The following ASRGL1 variants were observed in gnomAD, a reference collection of about 807,000 sequenced individuals.
ASRGL1 encodes isoaspartyl peptidase/L-asparaginase.
Under a neutral mutation model 22.4 loss-of-function variants are expected in ASRGL1, and 16 were observed. The ratio of observed to expected loss-of-function variants is 0.71; its 90% CI spans 0.48 to 1.08. ASRGL1 has a LOEUF of 1.08. ASRGL1 is among the 50% of genes least tolerant of loss of function. ASRGL1 has a pLI of 0.00. For missense variants in ASRGL1, 412 were observed against 410.1 expected (o/e 1.00, Z -0.04); for synonymous variants, 165 against 159.3 (o/e 1.04, Z -0.27).
chr11:62,389,265 A>T lies in ASRGL1; in HGVS notation c.610+14A>T, dbSNP rs753906490. The T allele has an allele frequency of 1.9e-6, 3 of 1,601,318 alleles. No homozygotes were observed. Among genetic ancestry groups the T allele is most frequent in the Non-Finnish European group, 1.7e-6 (2 of 1,168,446 alleles). ...CACCGTGTCTAGGTAGGACCAAGGGATGCCTCCTGCCCCTTCCCCTCTTCT... is the reference window on the plus strand; with the variant it reads ...CACCGTGTCTAGGTAGGACCAAGGGTTGCCTCCTGCCCCTTCCCCTCTTCT... On this transcript the variant is annotated intron_variant, in intron 5 of 6. Transcript: ENST00000415229.
intron 4 of ASRGL1, among the ~76,000 whole-genome samples, chr11:62,369,817 G>A (rs982112793): frequency 2.6e-5 from 4 of 152,054 alleles, no homozygotes; most frequent in Non-Finnish European, 5.9e-5. Context: ...ATAAACTCGG[G>A]GTGTAATACA....
Position 62,389,130 on chromosome 11 carries a change from C to T in ASRGL1, c.492-3C>T. The T allele has an allele frequency of 6.2e-7, 1 of 1,604,118 alleles. No individual in the cohort carries two copies. Among genetic ancestry groups the T allele is most frequent in the Non-Finnish European group, 8.5e-7 (1 of 1,172,268 alleles). ...TCACTTTTTTTCTGTTTATTTTTGG[C>T]AGAAACTTGGGAACCGTGGGTGCTG... is the stretch of plus-strand genomic sequence containing the variant. On this transcript the variant is annotated splice_region_variant and splice_polypyrimidine_tract_variant and intron_variant, in intron 4 of 6. Transcript: ENST00000415229.
chr11:62,372,513 A>G, intron 4 of ASRGL1: 1 of 1,103,480 alleles, frequency 9.1e-7, no homozygotes, highest in Non-Finnish European at 1.4e-6. Context: ...CACAGCAGAT[A>G]GAGTATGACT....
intron 4 of ASRGL1, among the ~76,000 whole-genome samples, chr11:62,361,229 T>C (rs1406855563): frequency 6.6e-6 from 1 of 152,120 alleles, no homozygotes; most frequent in African/African-American, 2.4e-5. Flanking sequence ...TCTTACTTTG[T>C]CACCCAGGCT....
chr11:62,374,525 T>C (rs200862186), intron 4 of ASRGL1, among the ~76,000 whole-genome samples: 1 of 149,776 alleles, frequency 6.7e-6, no homozygotes, highest in Non-Finnish European at 1.5e-5. Flanking sequence ...AGTTAAATAT[T>C]GGTCTCTTCA....
At chr11:62,362,740 TATATTA>T (rs1946505142) in intron 4 of ASRGL1, among the ~76,000 whole-genome samples, 2 of 106,924 alleles carry the variant, frequency 1.9e-5, no homozygotes, top group Non-Finnish European at 3.5e-5. Context: ...AAATATAATA[TATATTA>T]TATATATAAA....
chr11:62,381,558 G>A (rs1468983649), intron 4 of ASRGL1, among the ~76,000 whole-genome samples: 1 of 152,014 alleles, frequency 6.6e-6, no homozygotes, highest in African/African-American at 2.4e-5. Flanking sequence ...CATTCCATAC[G>A]GTAAGTGGGA....
intron 4 of ASRGL1, among the ~76,000 whole-genome samples, chr11:62,368,923 AC>A (rs1565166022): frequency 6.6e-6 from 1 of 152,160 alleles, no homozygotes; most frequent in Non-Finnish European, 1.5e-5. Context: ...ATCGGGTTTT[AC>A]ACCCGAGACA....
chr11:62,370,643 C>T (rs1946737509), intron 4 of ASRGL1, among the ~76,000 whole-genome samples: 1 of 152,148 alleles, frequency 6.6e-6, no homozygotes, highest in Non-Finnish European at 1.5e-5. Flanking sequence ...GCTGGACTCA[C>T]TTGTGCACTG....
chr11:62,375,166 C>T (rs888907332), intron 4 of ASRGL1, among the ~76,000 whole-genome samples: 2 of 151,974 alleles, frequency 1.3e-5, no homozygotes, highest in African/African-American at 4.8e-5. Flanking sequence ...CCCGCACCTC[C>T]TTCTGGCTTA....
intron 1 of ASRGL1, 127 bp from the exon 2 acceptor site, chr11:62,337,763 G>A (rs1035439275): frequency 4.0e-6 from 2 of 498,082 alleles, no homozygotes; most frequent in Non-Finnish European, 7.0e-6. Flanking sequence ...CGGGCCGGGG[G>A]CGGAGAGGAA....
At chr11:62,350,779 G>C (rs994859062) in intron 2 of ASRGL1, among the ~76,000 whole-genome samples, 2 of 152,120 alleles carry the variant, frequency 1.3e-5, no homozygotes, top group South Asian at 4.1e-4. Flanking sequence ...CTGGGCAACA[G>C]AGCAAGACTC....
intron 2 of ASRGL1, among the ~76,000 whole-genome samples, chr11:62,347,009 C>T (rs1034812804): frequency 2.6e-5 from 4 of 151,894 alleles, no homozygotes; most frequent in East Asian, 1.9e-4. Flanking sequence ...ACAAGGTTAG[C>T]GATTATGCAT....
rs113827204 is a variant in ASRGL1 at position 62,357,148 on chromosome 11, A to G, written c.491+4A>G. ...CTCAGAAAACAGATTGTCAAAAGTA[A>G]GTCTTACCTGTGGCTCGCATTATTT... On this transcript the variant is annotated splice_donor_region_variant and intron_variant, in intron 4 of 6. Coordinates refer to ENST00000415229, the MANE Select transcript of ASRGL1 (RefSeq NM_001083926.2). The G allele has an allele frequency of 6.2e-7, 1 of 1,611,712 alleles. No individual in the cohort carries two copies. The highest frequency in any genetic ancestry group is 8.5e-7 in the Non-Finnish European group (1 of 1,179,424).
chr11:62,384,753 A>T (rs995594151), intron 4 of ASRGL1, among the ~76,000 whole-genome samples: 3 of 136,626 alleles, frequency 2.2e-5, no homozygotes, highest in Non-Finnish European at 4.7e-5. Context: ...CCCCGTCTCT[A>T]CTGAAAGACA....
downstream of ASRGL1, among the ~76,000 whole-genome samples, chr11:62,394,484 G>A (rs1947407398): frequency 6.6e-6 from 1 of 151,570 alleles, no homozygotes; most frequent in Non-Finnish European, 1.5e-5. Flanking sequence ...TTCAGCATGT[G>A]AATTTGGGAG....
intron 4 of ASRGL1, among the ~76,000 whole-genome samples, chr11:62,377,642 T>C (rs1036585398): frequency 6.2e-4 from 95 of 152,168 alleles, no homozygotes; most frequent in African/African-American, 2.2e-3. Context: ...GGGTAATGAT[T>C]ATCAGTAATT....
chr11:62,365,635 G>A (rs1374320226), intron 4 of ASRGL1, among the ~76,000 whole-genome samples: 1 of 151,038 alleles, frequency 6.6e-6, no homozygotes, highest in Non-Finnish European at 1.5e-5. Flanking sequence ...GGATCACGAG[G>A]TCAGGAGTTC....
intron 4 of ASRGL1, chr11:62,381,953 C>T (rs185149446): frequency 6.6e-6 from 1 of 152,626 alleles, no homozygotes; most frequent in East Asian, 1.9e-4. Context: ...AGCCCCTCTA[C>T]ACCTGTGGGC....
Sources: gnomAD v4.1 joint callset for allele counts (sites outside exome capture counted in the v4.1 genomes callset) on GRCh38, gnomAD v4.1.1 for gene constraint, MANE v1.5 for transcripts, NCBI Gene and HGNC (gene_info 2026-07-23, HGNC 2026-07-21) for gene names.